The following IQSEC1 variants were observed in gnomAD, a reference collection of about 807,000 sequenced individuals.
IQSEC1 encodes the protein IQ motif and Sec7 domain ArfGEF 1, also known as IQ motif and SEC7 domain-containing protein 1.
Under a neutral mutation model 91.0 loss-of-function variants are expected in IQSEC1, and 31 were observed. The observed-to-expected ratio is 0.34, with a 90% CI of 0.26 to 0.46. The LOEUF (loss-of-function observed/expected upper bound fraction) is 0.46. IQSEC1 is among the 20% of genes least tolerant of loss of function. IQSEC1 has a pLI of 1.00. For synonymous variants in IQSEC1, 699 were observed against 662.6 expected (o/e 1.05, Z -0.84); for missense variants, 1,388 against 1,575.6 (o/e 0.88, Z 2.02).
intron 1 of IQSEC1, among the ~76,000 whole-genome samples, chr3:13,026,692 A>G (rs1703625693): frequency 6.6e-6 from 1 of 152,048 alleles, no homozygotes; most frequent in South Asian, 2.1e-4. Flanking sequence ...TTTGCCCTGC[A>G]TCCTCTCCGT....
At chr3:12,978,703 TC>T (rs767097799) in intron 1 of IQSEC1, among the ~76,000 whole-genome samples, 1 of 61,310 alleles carries the variant, frequency 1.6e-5, no homozygotes, top group African/African-American at 9.2e-5. Flanking sequence ...AGGCTCAGTC[TC>T]AAAAAAAAAA....
chr3:13,158,934 C>T (rs1707124851), intron 2 of IQSEC1, among the ~76,000 whole-genome samples: 1 of 151,930 alleles, frequency 6.6e-6, no homozygotes. Flanking sequence ...TGCATTCCAG[C>T]CTGGGTGACA....
rs143530452 is a variant in IQSEC1 at position 13,202,847 on chromosome 3, A to G, written c.273-38714T>C. Among the ~76,000 whole-genome samples the G allele has an allele frequency of 3.3e-3, 499 of 152,310 alleles. 3 individuals are homozygous for G. Among genetic ancestry groups the G allele is most frequent in the Middle Eastern group, 0.02 (6 of 294 alleles). On this transcript the variant is annotated intron_variant, in intron 1 of 15. Coordinates refer to the IQSEC1 transcript ENST00000648114. ...CTGGACCCCTACTGTGAGGGCTGGA[A>G]AGAGTCATATCACACTGTTAATGTC...
At chr3:12,966,732 C>T (rs1215139391) in intron 1 of IQSEC1, among the ~76,000 whole-genome samples, 1 of 152,192 alleles carries the variant, frequency 6.6e-6, no homozygotes, top group East Asian at 1.9e-4. Flanking sequence ...AGCCACACAC[C>T]CCAGTGCACC....
Position 13,056,203 on chromosome 3 carries a change from C to T in IQSEC1, c.23+16789G>A, listed in dbSNP as rs192540658. Among the ~76,000 whole-genome samples the T allele has an allele frequency of 3.9e-5, 6 of 152,308 alleles. No homozygotes were observed. In the South Asian group the frequency reaches 6.2e-4, roughly 16 times the overall value. Reference sequence around the variant, plus strand: ...GCTGCCAAGTCCTGTTCATTCTAGGCCCAATTCACTGATAGGCAAGAAGTA... The same window carrying T: ...GCTGCCAAGTCCTGTTCATTCTAGGTCCAATTCACTGATAGGCAAGAAGTA... On this transcript the variant is annotated intron_variant, in intron 1 of 13. Coordinates refer to ENST00000613206, the MANE Select transcript of IQSEC1 (RefSeq NM_001134382.3).
At chr3:13,017,053 A>G (rs1324421358) in intron 1 of IQSEC1, among the ~76,000 whole-genome samples, 1 of 152,162 alleles carries the variant, frequency 6.6e-6, no homozygotes, top group African/African-American at 2.4e-5. Context: ...CACGTGCCAG[A>G]ACTTCATTTC....
intron 1 of IQSEC1, among the ~76,000 whole-genome samples, chr3:12,975,747 G>T (rs192297177): frequency 2.2e-3 from 328 of 152,306 alleles, no homozygotes; most frequent in African/African-American, 6.9e-3. Flanking sequence ...TCCAGAAAAA[G>T]AAACCAAGGC....
intron 1 of IQSEC1, among the ~76,000 whole-genome samples, chr3:13,066,696 A>G (rs985706631): frequency 6.6e-6 from 1 of 152,174 alleles, no homozygotes; most frequent in African/African-American, 2.4e-5. Context: ...AGGGGCGCCC[A>G]CTGCCCCACC....
intron 1 of IQSEC1, among the ~76,000 whole-genome samples, chr3:13,023,358 C>A (rs970221541): frequency 6.6e-6 from 1 of 152,138 alleles, no homozygotes; most frequent in African/African-American, 2.4e-5. Context: ...GCAGCTGGGG[C>A]TTCCCAGGCA....
intron 2 of IQSEC1, among the ~76,000 whole-genome samples, chr3:13,099,293 A>T (rs1345594977): frequency 6.6e-6 from 1 of 152,236 alleles, no homozygotes; most frequent in African/African-American, 2.4e-5. Flanking sequence ...GGGCACCAGA[A>T]TATAGCTGGT....
intron 1 of IQSEC1, among the ~76,000 whole-genome samples, chr3:13,189,683 T>C (rs909860638): frequency 6.6e-6 from 1 of 151,960 alleles, no homozygotes; most frequent in Non-Finnish European, 1.5e-5. Flanking sequence ...ATCACGAGGC[T>C]TGCCCAGCAC....
chr3:12,980,656 G>A (rs971801699), intron 1 of IQSEC1, among the ~76,000 whole-genome samples: 24 of 152,174 alleles, frequency 1.6e-4, no homozygotes, highest in Admixed American at 1.3e-3. Flanking sequence ...GCACGGGGAG[G>A]GGAGATCAGG....
chr3:12,940,429 A>G lies in IQSEC1; in HGVS notation c.318+1142T>C, dbSNP rs1253705555. On this transcript the variant is annotated intron_variant, in intron 2 of 13. Coordinates refer to ENST00000613206, the MANE Select transcript of IQSEC1 (RefSeq NM_001134382.3). This position sits in a 1 kb window ranked among gnomAD's most constrained non-coding sequence, Gnocchi z 4.4. ...CAAAAACAACCCAAAAATTGTTTTT[A>G]AAGAAAAAGGATAACCAGGAAGATC... 6.6e-6 allele frequency among the ~76,000 whole-genome samples: 1 copy of G among 152,020 alleles called. No individual in the cohort carries two copies. The highest frequency in any genetic ancestry group is 1.5e-5 in the Non-Finnish European group (1 of 68,000).
At chr3:13,012,963 G>GTTTTTTTTT (rs1269672691) in intron 1 of IQSEC1, among the ~76,000 whole-genome samples, 9 of 40,910 alleles carry the variant, frequency 2.2e-4, no homozygotes, top group African/African-American at 5.7e-4. Context: ...GAAAGTCTGG[G>GTTTTTTTTT]CTTTTTTTTT....
intron 1 of IQSEC1, among the ~76,000 whole-genome samples, chr3:13,234,671 T>A (rs1694894815): frequency 6.6e-6 from 1 of 152,162 alleles, no homozygotes; most frequent in Non-Finnish European, 1.5e-5. Context: ...AATTGCCCAG[T>A]GCATGCCCAG....
chr3:13,250,076 C>T (rs1413505487), intron 1 of IQSEC1, among the ~76,000 whole-genome samples: 8 of 152,238 alleles, frequency 5.3e-5, no homozygotes, highest in Non-Finnish European at 1.0e-4. Flanking sequence ...TCTCACAGCA[C>T]GGCTCCACGT....
At chr3:13,126,270 C>G (rs1706512028) in intron 2 of IQSEC1, among the ~76,000 whole-genome samples, 1 of 152,200 alleles carries the variant, frequency 6.6e-6, no homozygotes, top group Non-Finnish European at 1.5e-5. Context: ...TAAACGGGAT[C>G]ATATGGTGTG....
At chr3:13,166,545 T>C (rs1184882069) in intron 1 of IQSEC1, among the ~76,000 whole-genome samples, 1 of 152,172 alleles carries the variant, frequency 6.6e-6, no homozygotes, top group Non-Finnish European at 1.5e-5. Context: ...TCACTTAATC[T>C]CCATGAGCCC....
chr3:13,048,505 T>C (rs1263256800), intron 1 of IQSEC1, among the ~76,000 whole-genome samples: 1 of 152,212 alleles, frequency 6.6e-6, no homozygotes, highest in Non-Finnish European at 1.5e-5. Context: ...ACCTGAGGCC[T>C]TAGAAGTCCA....
Sources: gnomAD v4.1 joint callset for allele counts (sites outside exome capture counted in the v4.1 genomes callset) on GRCh38, gnomAD v4.1.1 for gene constraint, Gnocchi (gnomAD v3.1) non-coding constraint, MANE v1.5 for transcripts, NCBI Gene and HGNC (gene_info 2026-07-23, HGNC 2026-07-21) for gene names.